Variants in KDM2A observed in about 807,000 individuals in gnomAD.
The protein encoded by KDM2A is lysine demethylase 2A.
Under a neutral mutation model 137.3 loss-of-function variants are expected in KDM2A, and 3 were observed. The ratio of observed to expected loss-of-function variants is 0.02; its 90% CI spans 0.01 to 0.06. The LOEUF (loss-of-function observed/expected upper bound fraction) is 0.06. Among genes scored for constraint, KDM2A ranks in the 10% least tolerant of loss-of-function variants. KDM2A has a pLI of 1.00. For missense variants in KDM2A, 738 were observed against 1,510.6 expected (o/e 0.49, Z 8.48); for synonymous variants, 512 against 541.5 (o/e 0.95, Z 0.76).
rs566615996 is a variant in KDM2A, at chr11:67,215,553, A to C, written c.593+107A>C. The C allele has an allele frequency of 6.3e-5, 46 of 733,488 alleles. No individual in the cohort carries two copies. The South Asian group carries it at 7.6e-4, about 12-fold the overall frequency. The allele number at this position is 733,488 out of a possible 1,614,324, so 45.4% of individuals were successfully genotyped here. A position where few individuals can be genotyped will look rare whatever the true frequency, so the allele number is the denominator to read the frequency against. ...TTTGCTCTGTGTCTTGAATGATTAA[A>C]AAGATGAATTATTTAAAGATGAGAC... On this transcript the variant is annotated intron_variant, in intron 7 of 20. Transcript: ENST00000529006.
At chr11:67,170,441 C>A (rs1471789952) in intron 2 of KDM2A, among the ~76,000 whole-genome samples, 2 of 108,318 alleles carry the variant, frequency 1.8e-5, no homozygotes, top group African/African-American at 7.4e-5. Context: ...GAGATGGAGT[C>A]TCGCTCTGTC....
chr11:67,245,176 T>C lies in KDM2A; in HGVS notation c.1564-13T>C. Reference sequence around the variant, plus strand: ...AACCTGATATATTTGACCTCACTGCTTTCTCTTTCCAGCTTAAATTCCCCA... The same window carrying C: ...AACCTGATATATTTGACCTCACTGCCTTCTCTTTCCAGCTTAAATTCCCCA... On this transcript the variant is annotated splice_polypyrimidine_tract_variant and intron_variant, in intron 13 of 20. Transcript: ENST00000529006. The surrounding 1 kb of genome is among the most constrained non-coding windows in gnomAD (Gnocchi z 4.1). The C allele has an allele frequency of 1.2e-6, 2 of 1,611,392 alleles. No homozygotes were observed. Among genetic ancestry groups the C allele is most frequent in the South Asian group, 1.1e-5 (1 of 91,064 alleles).
chr11:67,120,405 A>T (rs1855572825), intron 1 of KDM2A, among the ~76,000 whole-genome samples: 3 of 152,208 alleles, frequency 2.0e-5, no homozygotes, highest in Admixed American at 2.0e-4. Context: ...AACGGGGGGA[A>T]CCTGTGTTCT....
At chr11:67,170,930 G>T (rs997476593) in intron 2 of KDM2A, among the ~76,000 whole-genome samples, 1 of 152,074 alleles carries the variant, frequency 6.6e-6, no homozygotes, top group Non-Finnish European at 1.5e-5. Context: ...AAAGTACCTG[G>T]GTTCTAGATC....
At chr11:67,144,180 C>T (rs1014312728) in intron 2 of KDM2A, among the ~76,000 whole-genome samples, 5 of 151,284 alleles carry the variant, frequency 3.3e-5, no homozygotes, top group East Asian at 1.9e-4. Flanking sequence ...CCTGATGTCA[C>T]GTGATCTGCC....
chr11:67,234,847 T>G (rs1363615228), intron 12 of KDM2A, among the ~76,000 whole-genome samples: 1 of 151,412 alleles, frequency 6.6e-6, no homozygotes, highest in African/African-American at 2.4e-5. Flanking sequence ...AGTGAGACCT[T>G]GTCTCAAAAA....
chr11:67,128,321 T>C (rs1260653322), intron 2 of KDM2A, among the ~76,000 whole-genome samples: 1 of 152,068 alleles, frequency 6.6e-6, no homozygotes. Flanking sequence ...CCTGGACCCG[T>C]TCCCACTCTG....
Position 67,245,186 on chromosome 11 carries a change from C to G in KDM2A, c.1564-3C>G. 6.2e-7 allele frequency: 1 copy of G among 1,611,980 alleles called. No homozygotes were observed. The highest frequency in any genetic ancestry group is 8.5e-7 in the Non-Finnish European group (1 of 1,178,492). The stretch of plus-strand genomic sequence containing the variant: ...ATTTGACCTCACTGCTTTCTCTTTC[C>G]AGCTTAAATTCCCCACTCGGCCAAA... On this transcript the variant is annotated splice_polypyrimidine_tract_variant and splice_region_variant and intron_variant, in intron 13 of 20. Transcript: ENST00000529006. The surrounding 1 kb of genome is among the most constrained non-coding windows in gnomAD (Gnocchi z 4.1).
At chr11:67,223,388 C>CTTAT (rs10542275) in intron 10 of KDM2A, among the ~76,000 whole-genome samples, 2,139 of 149,260 alleles carry the variant, frequency 0.014, 38 homozygotes, top group East Asian at 0.083. Context: ...TTTTTTCTTT[C>CTTAT]TTATTTATTT....
At chr11:67,193,968 A>G (rs1857419170) in intron 5 of KDM2A, among the ~76,000 whole-genome samples, 1 of 152,152 alleles carries the variant, frequency 6.6e-6, no homozygotes, top group Non-Finnish European at 1.5e-5. Flanking sequence ...TTGGCCTCCC[A>G]AATTGCTGAG....
chr11:67,147,154 T>G (rs574438277), intron 2 of KDM2A, among the ~76,000 whole-genome samples: 1 of 152,152 alleles, frequency 6.6e-6, no homozygotes, highest in Non-Finnish European at 1.5e-5. Flanking sequence ...TTGTTGACAG[T>G]TTGGTGTAAG....
chr11:67,235,572 G>A (rs1858846075), intron 12 of KDM2A, among the ~76,000 whole-genome samples: 1 of 151,812 alleles, frequency 6.6e-6, no homozygotes. Context: ...CAAAGTGCTG[G>A]AATTACAGGC....
At chr11:67,148,281 C>T (rs1011255122) in intron 2 of KDM2A, among the ~76,000 whole-genome samples, 10 of 151,224 alleles carry the variant, frequency 6.6e-5, no homozygotes, top group South Asian at 6.3e-4. Flanking sequence ...TTTAGCTGGG[C>T]GTGGCGGTGG....
At chr11:67,169,264 A>G (rs1169953892) in intron 2 of KDM2A, among the ~76,000 whole-genome samples, 1 of 151,444 alleles carries the variant, frequency 6.6e-6, no homozygotes, top group African/African-American at 2.4e-5. Flanking sequence ...TAATCCATGT[A>G]GCTTTATATA....
At chr11:67,238,876 G>C (rs1349121046) in intron 12 of KDM2A, among the ~76,000 whole-genome samples, 1 of 152,226 alleles carries the variant, frequency 6.6e-6, no homozygotes, top group African/African-American at 2.4e-5. Flanking sequence ...CTCCCATGCT[G>C]ATGTTTGGTA....
intron 2 of KDM2A, among the ~76,000 whole-genome samples, chr11:67,165,498 A>T (rs750210169): frequency 2.6e-5 from 4 of 152,172 alleles, no homozygotes; most frequent in Non-Finnish European, 2.9e-5. Flanking sequence ...ATAAATCTTA[A>T]GTTTGACAGT....
At chr11:67,179,106 T>A (rs1321501455) in intron 2 of KDM2A, among the ~76,000 whole-genome samples, 1 of 152,110 alleles carries the variant, frequency 6.6e-6, no homozygotes, top group Non-Finnish European at 1.5e-5. Context: ...GGGTATAAAG[T>A]GGTATTTCAT....
chr11:67,179,024 G>A (rs1466340575), intron 2 of KDM2A, among the ~76,000 whole-genome samples: 1 of 152,206 alleles, frequency 6.6e-6, no homozygotes, highest in Non-Finnish European at 1.5e-5. Context: ...AGCAATGTAT[G>A]AGGCTTCCAG....
At chr11:67,198,752 A>G (rs1371019451) in intron 5 of KDM2A, among the ~76,000 whole-genome samples, 2 of 143,544 alleles carry the variant, frequency 1.4e-5, no homozygotes, top group Non-Finnish European at 3.0e-5. Flanking sequence ...GTCAGTGGTG[A>G]TCAGTAGTTT....
Sources: allele counts gnomAD v4.1 joint callset (sites outside exome capture counted in the v4.1 genomes callset), GRCh38; gene constraint gnomAD v4.1.1; non-coding constraint Gnocchi (gnomAD v3.1); transcripts MANE v1.5; gene names NCBI Gene and HGNC (gene_info 2026-07-23, HGNC 2026-07-21).